SEL1L3: variants seen among roughly 807,000 people sequenced by gnomAD.
SEL1L3 encodes the protein protein sel-1 homolog 3.
SEL1L3 carries 76 observed loss-of-function variants against 142.8 expected under a neutral mutation model. The ratio of observed to expected loss-of-function variants is 0.53; its 90% confidence interval spans 0.44 to 0.64. The LOEUF (loss-of-function observed/expected upper bound fraction) is 0.64, where lower values mean the gene tolerates loss of function less well. Among genes scored for constraint, SEL1L3 ranks in the 30% least tolerant of loss-of-function variants. The pLI, the probability that SEL1L3 is intolerant of heterozygous loss-of-function variation, is 0.00. For missense variants in SEL1L3, 1,262 were observed against 1,381.7 expected (o/e 0.91, Z 1.37); for synonymous variants, 504 against 519.6 (o/e 0.97, Z 0.41).
At chr4:25,849,819 G>A (rs375703772) in intron 1 of SEL1L3, among the ~76,000 whole-genome samples, 1 of 152,140 alleles carries the variant, frequency 6.6e-6, no homozygotes, top group African/African-American at 2.4e-5. Flanking sequence ...CATGAAATTT[G>A]GTATCAAGGA....
chr4:25,856,961 G>A (rs1474971788), intron 1 of SEL1L3, among the ~76,000 whole-genome samples: 1 of 152,192 alleles, frequency 6.6e-6, no homozygotes, highest in East Asian at 1.9e-4. Flanking sequence ...TCATTGGCAT[G>A]TACACATGTC....
chr4:25,776,902 A>C (rs7658133), intron 16 of SEL1L3, among the ~76,000 whole-genome samples: 62,055 of 151,130 alleles, frequency 0.41, 13,474 homozygotes, highest in African/African-American at 0.55. Flanking sequence ...AGGCACAAAA[A>C]CCCCCCCACA....
At chr4:25,856,399 A>G (rs115193238) in intron 1 of SEL1L3, among the ~76,000 whole-genome samples, 125 of 152,278 alleles carry the variant, frequency 8.2e-4, no homozygotes, top group African/African-American at 2.8e-3. Context: ...AGGCAGCTAC[A>G]ATAGATGTTC....
At chr4:25,818,945 G>T (rs1050540210) in intron 8 of SEL1L3, among the ~76,000 whole-genome samples, 1 of 152,064 alleles carries the variant, frequency 6.6e-6, no homozygotes, top group Non-Finnish European at 1.5e-5. Context: ...TTGGACTGGG[G>T]CATGTTTGAG....
chr4:25,857,293 G>A (rs1396832494), intron 1 of SEL1L3, among the ~76,000 whole-genome samples: 1 of 152,180 alleles, frequency 6.6e-6, no homozygotes, highest in Non-Finnish European at 1.5e-5. Context: ...TCCTAAACCT[G>A]AGAGCTGGCC....
intron 8 of SEL1L3, 91 bp downstream of exon 8, chr4:25,819,717 G>A: frequency 7.8e-7 from 1 of 1,274,856 alleles, no homozygotes; most frequent in Non-Finnish European, 1.1e-6. Flanking sequence ...AGTCATATAT[G>A]TTTAATTTTA....
At chr4:25,833,953 C>A (rs1181366815) in intron 3 of SEL1L3, among the ~76,000 whole-genome samples, 2 of 152,094 alleles carry the variant, frequency 1.3e-5, no homozygotes, top group Non-Finnish European at 2.9e-5. Context: ...ATTTTAATTT[C>A]TATGTTAAAA....
At chr4:25,855,543 G>A (rs1355268423) in intron 1 of SEL1L3, among the ~76,000 whole-genome samples, 3 of 152,170 alleles carry the variant, frequency 2.0e-5, no homozygotes, top group Non-Finnish European at 4.4e-5. Flanking sequence ...ATCACCTGAG[G>A]TCAGGAGTTT....
chr4:25,732,838 G>A, the SEL1L3 span, among the ~76,000 whole-genome samples: 2 of 152,044 alleles, frequency 1.3e-5, no homozygotes, highest in African/African-American at 2.4e-5. Context: ...CCACCTCCCA[G>A]GTTCAAGAAA....
At position 25,821,209 on chromosome 4, in the gene SEL1L3, A is replaced by G. The variant is rs567585292; in HGVS notation, c.1290+787T>C. On this transcript the variant is annotated intron_variant, in intron 7 of 23. Coordinates refer to ENST00000399878, the MANE Select transcript of SEL1L3 (RefSeq NM_015187.5). ...AAAAGTGTCTCACAGAGGCTGTAAGATATCACCCATGGGCAGCAGGACTCC... is the reference window on the plus strand; with the variant it reads ...AAAAGTGTCTCACAGAGGCTGTAAGGTATCACCCATGGGCAGCAGGACTCC... 3.3e-5 allele frequency among the ~76,000 whole-genome samples: 5 copies of G among 152,248 alleles called. No homozygotes were observed. The East Asian group carries it at 9.6e-4, about 29-fold the overall frequency.
chr4:25,835,963 CTG>C, intron 2 of SEL1L3, among the ~76,000 whole-genome samples: 1 of 152,288 alleles, frequency 6.6e-6, no homozygotes, highest in East Asian at 1.9e-4. Context: ...AGATCGAAAA[CTG>C]AGCATCAGAG....
chr4:25,745,142 C>T (rs560571634), downstream of SEL1L3, among the ~76,000 whole-genome samples: 12 of 152,266 alleles, frequency 7.9e-5, no homozygotes, highest in South Asian at 2.5e-3. Context: ...AACCTGTAAT[C>T]CCAGCACTTT....
chr4:25,811,740 CT>C (rs1436995596), intron 9 of SEL1L3, among the ~76,000 whole-genome samples: 3 of 138,924 alleles, frequency 2.2e-5, no homozygotes, highest in Non-Finnish European at 4.6e-5. Flanking sequence ...GAGGAGTTTT[CT>C]TTTCCTGTTT....
chr4:25,730,255 G>T, the SEL1L3 span, among the ~76,000 whole-genome samples: 4 of 152,080 alleles, frequency 2.6e-5, no homozygotes, highest in Non-Finnish European at 5.9e-5. Flanking sequence ...CTCGTATTAT[G>T]TTGGTAATGG....
At chr4:25,778,269 T>C (rs1322432121) in intron 16 of SEL1L3, among the ~76,000 whole-genome samples, 1 of 152,066 alleles carries the variant, frequency 6.6e-6, no homozygotes, top group Non-Finnish European at 1.5e-5. Context: ...ACAGTTAATC[T>C]CAGCATGACA....
intron 13 of SEL1L3, 28 bp from the exon 14 acceptor site, chr4:25,784,318 C>T: frequency 6.3e-7 from 1 of 1,580,346 alleles, no homozygotes; most frequent in Non-Finnish European, 8.7e-7. Flanking sequence ...GCGATGATTA[C>T]AAAGAAAATA....
At chr4:25,858,647 G>A (rs1717437553) in intron 1 of SEL1L3, among the ~76,000 whole-genome samples, 1 of 151,908 alleles carries the variant, frequency 6.6e-6, no homozygotes. Context: ...GTGCAGCGGC[G>A]CGATCTCAGC....
chr4:25,843,075 C>T (rs1716271836), intron 2 of SEL1L3, among the ~76,000 whole-genome samples: 1 of 152,108 alleles, frequency 6.6e-6, no homozygotes. Context: ...ACTTGGTATG[C>T]TCCAGGAGAA....
intron 2 of SEL1L3, among the ~76,000 whole-genome samples, chr4:25,837,295 G>A (rs548999313): frequency 1.4e-5 from 2 of 146,550 alleles, no homozygotes; most frequent in East Asian, 4.0e-4. Context: ...CCCCTAGGAA[G>A]CCTTCTGCTG....
Sources: gnomAD v4.1 joint callset for allele counts (sites outside exome capture counted in the v4.1 genomes callset) on GRCh38, gnomAD v4.1.1 for gene constraint, MANE v1.5 for transcripts, NCBI Gene and HGNC (gene_info 2026-07-23, HGNC 2026-07-21) for gene names.